Variants in TMOD3 observed in about 807,000 individuals in gnomAD.
TMOD3 encodes tropomodulin-3.
TMOD3 carries 20 observed loss-of-function variants against 39.2 expected under a neutral mutation model. The ratio of observed to expected loss-of-function variants is 0.51; its 90% CI spans 0.36 to 0.74. TMOD3 has a LOEUF of 0.74. Ranked by LOEUF, TMOD3 falls within the 30% of genes least tolerant of loss-of-function variation. The pLI is 0.00. For synonymous variants in TMOD3, 143 were observed against 145.8 expected, an observed-to-expected ratio of 0.98 and a Z score of 0.14; for missense variants, 381 against 412.8, an observed-to-expected ratio of 0.92 and a Z score of 0.67.
intron 2 of TMOD3, among the ~76,000 whole-genome samples, chr15:51,868,011 C>T (rs2056455732): frequency 6.6e-6 from 1 of 152,116 alleles, no homozygotes; most frequent in Admixed American, 6.5e-5. Flanking sequence ...TCAGGGGTCC[C>T]TTGGGGCATG....
intron 1 of TMOD3, among the ~76,000 whole-genome samples, chr15:51,837,673 G>T (rs2056293324): frequency 6.6e-6 from 1 of 151,984 alleles, no homozygotes; most frequent in Admixed American, 6.6e-5. Flanking sequence ...GGGGCAGGTG[G>T]GCTCTTCTGT....
At chr15:51,853,067 C>T (rs895374444) in intron 1 of TMOD3, among the ~76,000 whole-genome samples, 13 of 152,136 alleles carry the variant, frequency 8.5e-5, no homozygotes, top group African/African-American at 2.4e-4. Flanking sequence ...AAGACTTATA[C>T]GTAAGCCAAA....
Position 51,862,891 on chromosome 15 carries a change from C to A in TMOD3, c.7C>A (p.Leu3Met). 1 of 1,613,428 alleles carries A rather than the reference C, an allele frequency of 6.2e-7. No homozygotes were observed. The highest frequency in any genetic ancestry group is 8.5e-7 in the Non-Finnish European group (1 of 1,179,734). ...ACTTGCTGCCCTGCACATCATGGCA[C>A]TGCCATTCCGTAAGGACTTAGAAAA... is the stretch of plus-strand genomic sequence containing the variant. MALPFRKDLEKYK... is the reference protein window; with the variant it reads MAMPFRKDLEKYK... Residue 3 changes from leucine to methionine, a missense_variant, in exon 2 of 10, where the codon CTG becomes ATG. Coordinates refer to ENST00000308580, the MANE Select transcript of TMOD3 (RefSeq NM_014547.5).
chr15:51,862,028 A>G (rs1465064487), intron 1 of TMOD3, among the ~76,000 whole-genome samples: 2 of 152,086 alleles, frequency 1.3e-5, no homozygotes, highest in Non-Finnish European at 2.9e-5. Flanking sequence ...TTCCTATAGA[A>G]CAGTCCTGCC....
At chr15:51,848,291 G>C (rs1173184469) in intron 1 of TMOD3, among the ~76,000 whole-genome samples, 2 of 152,004 alleles carry the variant, frequency 1.3e-5, no homozygotes, top group African/African-American at 4.8e-5. Flanking sequence ...CCTTATGAGA[G>C]TCTTGAAACT....
chr15:51,902,651 T>A (rs1465130927), intron 9 of TMOD3, among the ~76,000 whole-genome samples: 1 of 124,998 alleles, frequency 8.0e-6, no homozygotes, highest in Non-Finnish European at 1.6e-5. Context: ...TGTATTTTTT[T>A]TTTTTTTTTT....
intron 3 of TMOD3, among the ~76,000 whole-genome samples, chr15:51,871,453 G>A (rs974460529): frequency 3.9e-5 from 6 of 152,130 alleles, no homozygotes; most frequent in Non-Finnish European, 8.8e-5. Flanking sequence ...ATTTGGAAAG[G>A]AATGGAGGTA....
At chr15:51,860,892 T>C (rs544671847) in intron 1 of TMOD3, 2 of 403,992 alleles carry the variant, frequency 5.0e-6, no homozygotes, top group South Asian at 3.8e-5. Flanking sequence ...GCCGAGGTCA[T>C]GCCACTGCAC....
chr15:51,863,996 G>C (rs1379552854), intron 2 of TMOD3, among the ~76,000 whole-genome samples: 1 of 151,976 alleles, frequency 6.6e-6, no homozygotes, highest in Non-Finnish European at 1.5e-5. Context: ...AAGTGGCTGG[G>C]TGCTCACGCC....
rs368664385 is a variant in TMOD3 at position 51,862,071 on chromosome 15, C to A, written c.-74-740C>A. On this transcript the variant is annotated intron_variant, in intron 1 of 9. Transcript: ENST00000308580. ...CAGATGATTAGCTCTTTGATATATG[C>A]CAACTTCTGTGTCTCTAGAGCTACT... Among the ~76,000 whole-genome samples the A allele has an allele frequency of 7.2e-5, 11 of 152,098 alleles. No homozygotes were observed. In the East Asian group the frequency reaches 1.3e-3, roughly 19 times the overall value.
chr15:51,854,842 T>A (rs912813516), intron 1 of TMOD3, among the ~76,000 whole-genome samples: 1 of 152,216 alleles, frequency 6.6e-6, no homozygotes, highest in African/African-American at 2.4e-5. Flanking sequence ...TTTTTAGAAA[T>A]TATTCTTATA....
At chr15:51,876,337 T>A (rs1366489225) in intron 3 of TMOD3, among the ~76,000 whole-genome samples, 1 of 152,154 alleles carries the variant, frequency 6.6e-6, no homozygotes, top group African/African-American at 2.4e-5. Flanking sequence ...CCTGGCTAAT[T>A]TTTAAAATTC....
At chr15:51,861,211 C>G in intron 1 of TMOD3, 1 of 464,618 alleles carries the variant, frequency 2.2e-6, no homozygotes, top group East Asian at 5.1e-5. Flanking sequence ...TTAATCTCTG[C>G]ATGACTGAAC....
rs1204046783 is a variant in TMOD3, at chr15:51,862,755, C to T, written c.-74-56C>T. 8 of 778,188 alleles carry T rather than the reference C, an allele frequency of 1.0e-5. No homozygotes were observed. In the East Asian group the frequency reaches 2.1e-4, roughly 20 times the overall value. The allele number at this position is 778,188 out of a possible 1,614,324, so 48.2% of individuals were successfully genotyped here. A position where few individuals can be genotyped will look rare whatever the true frequency, so the allele number is the denominator to read the frequency against. On this transcript the variant is annotated intron_variant, in intron 1 of 9. Coordinates refer to ENST00000308580, the MANE Select transcript of TMOD3 (RefSeq NM_014547.5). Reference sequence around the variant, plus strand: ...ATTTCACTTAACCTGAGAATTAGATCTAAGTAGGTGGAGATGACTTACTAT... The same window carrying T: ...ATTTCACTTAACCTGAGAATTAGATTTAAGTAGGTGGAGATGACTTACTAT...
In TMOD3 at chr15:51,911,282, T is replaced by C. The variant is rs950960837; in HGVS notation, c.*2472T>C. On this transcript the variant is annotated 3_prime_UTR_variant, in exon 10 of 10. Coordinates refer to ENST00000308580, the MANE Select transcript of TMOD3 (RefSeq NM_014547.5). ...ATACTTATGGGTAATATCTTTTTCA[T>C]ATATTATTTATCAAAGTATGAAGTT... 1 of 152,248 alleles carries C rather than the reference T, an allele frequency of 6.6e-6. No homozygotes were observed. Among genetic ancestry groups the C allele is most frequent in the African/African-American group, 2.4e-5 (1 of 41,466 alleles). 9.4% of individuals were successfully genotyped at this position (152,248 alleles called of 1,614,324 possible).
chr15:51,879,254 A>G (rs1229707907), intron 3 of TMOD3, among the ~76,000 whole-genome samples: 1 of 152,134 alleles, frequency 6.6e-6, no homozygotes, highest in Non-Finnish European at 1.5e-5. Flanking sequence ...AAACATTGCT[A>G]AACTGTTTCA....
At chr15:51,886,143 C>T (rs147524831) in intron 3 of TMOD3, among the ~76,000 whole-genome samples, 7,387 of 151,452 alleles carry the variant, frequency 0.049, 416 homozygotes, top group African/African-American at 0.12. Context: ...AGTTCCCAGA[C>T]GGGATGGCGG....
At chr15:51,863,066 A>G in intron 2 of TMOD3, 56 bp downstream of exon 2, 1 of 1,558,788 alleles carries the variant, frequency 6.4e-7, no homozygotes, top group Non-Finnish European at 8.7e-7. Context: ...TTTGAAACTC[A>G]GTAGCTGCCT....
intron 3 of TMOD3, among the ~76,000 whole-genome samples, chr15:51,885,429 A>G (rs1449127008): frequency 1.3e-5 from 2 of 151,842 alleles, no homozygotes; most frequent in Admixed American, 1.3e-4. Context: ...TAGGCAGAGG[A>G]CCCTGCGGCC....
Sources: gnomAD v4.1 joint callset for allele counts (sites outside exome capture counted in the v4.1 genomes callset) on GRCh38, gnomAD v4.1.1 for gene constraint, MANE v1.5 for transcripts, NCBI Gene and HGNC (gene_info 2026-07-23, HGNC 2026-07-21) for gene names.